KCTD16: variants seen among roughly 807,000 people sequenced by gnomAD.
The protein encoded by KCTD16 is potassium channel tetramerization domain containing 16.
A neutral mutation model predicts 33.2 loss-of-function variants in KCTD16; 13 were observed. That is an observed-to-expected ratio of 0.39 (90% CI 0.25 to 0.62). The LOEUF (loss-of-function observed/expected upper bound fraction) is 0.62, where lower values mean the gene tolerates loss of function less well. Among genes scored for constraint, KCTD16 ranks in the 20% least tolerant of loss-of-function variants. KCTD16 has a pLI of 0.50. For missense variants in KCTD16, 441 were observed against 525.1 expected, an observed-to-expected ratio of 0.84 and a Z score of 1.57; for synonymous variants, 197 against 195.3, an observed-to-expected ratio of 1.01 and a Z score of -0.07.
intron 3 of KCTD16, among the ~76,000 whole-genome samples, chr5:144,407,877 T>A (rs1339498290): frequency 2.6e-5 from 4 of 152,230 alleles, no homozygotes; most frequent in African/African-American, 9.6e-5. Flanking sequence ...CATGATCTCA[T>A]TCTTTTTTAT....
At chr5:144,329,470 G>A (rs1752296807) in intron 3 of KCTD16, among the ~76,000 whole-genome samples, 1 of 152,110 alleles carries the variant, frequency 6.6e-6, no homozygotes, top group African/African-American at 2.4e-5. Flanking sequence ...CCACAGCAGA[G>A]TGCTAAAAGA....
chr5:144,396,301 T>TCGACA (rs1752566786), intron 3 of KCTD16, among the ~76,000 whole-genome samples: 1 of 152,196 alleles, frequency 6.6e-6, no homozygotes, highest in Admixed American at 6.5e-5. Flanking sequence ...TTTCCAGCCC[T>TCGACA]TGACATCTTT....
intron 3 of KCTD16, among the ~76,000 whole-genome samples, chr5:144,376,794 A>T (rs549180371): frequency 6.6e-6 from 1 of 152,146 alleles, no homozygotes; most frequent in Non-Finnish European, 1.5e-5. Flanking sequence ...TGTTTTAAGG[A>T]TGGTAGGATA....
intron 3 of KCTD16, among the ~76,000 whole-genome samples, chr5:144,278,378 C>G (rs1341313245): frequency 6.6e-6 from 1 of 151,852 alleles, no homozygotes; most frequent in Admixed American, 6.6e-5. Context: ...TTTATCAATA[C>G]CACCTTGTCC....
At chr5:144,210,405 AAT>A (rs1753346527) in intron 3 of KCTD16, among the ~76,000 whole-genome samples, 1 of 152,194 alleles carries the variant, frequency 6.6e-6, no homozygotes, top group Non-Finnish European at 1.5e-5. Flanking sequence ...TAAAAGAGTT[AAT>A]ATGAGTGATA....
At chr5:144,219,687 A>C (rs1286672913) in intron 3 of KCTD16, among the ~76,000 whole-genome samples, 1 of 150,728 alleles carries the variant, frequency 6.6e-6, no homozygotes. Context: ...CGCCTGGCTA[A>C]TTTTGTATTT....
Position 144,473,898 on chromosome 5 carries a change from A to T in KCTD16, c.1071A>T (p.Ser357=). 1 of 1,614,112 alleles carries T rather than the reference A, an allele frequency of 6.2e-7. No homozygotes were observed. Among genetic ancestry groups the T allele is most frequent in the African/African-American group, 1.3e-5 (1 of 75,040 alleles). Residue 357 remains serine (S), a synonymous_variant, in exon 4 of 4, where the codon TCA becomes TCT. Transcript: ENST00000512467. ...KKGPVQLIQQ[S]EMRRKSDLLR... is the part of the protein sequence containing the mutation. ...GCCCTGTCCAGCTGATCCAACAGTC[A>T]GAGATGCGGCGGAAAAGCGACTTAC...
intron 3 of KCTD16, among the ~76,000 whole-genome samples, chr5:144,411,974 G>A (rs140272596): frequency 6.6e-6 from 1 of 152,094 alleles, no homozygotes; most frequent in Non-Finnish European, 1.5e-5. Flanking sequence ...ACTACAATGA[G>A]TATCATCTCA....
chr5:144,373,352 T>A (rs193205896), intron 3 of KCTD16, among the ~76,000 whole-genome samples: 4 of 152,308 alleles, frequency 2.6e-5, no homozygotes, highest in Admixed American at 2.0e-4. Flanking sequence ...AGTACAGTGA[T>A]CCTAAGTTAA....
chr5:144,413,687 C>T (rs1168650156), intron 3 of KCTD16, among the ~76,000 whole-genome samples: 1 of 152,134 alleles, frequency 6.6e-6, no homozygotes, highest in African/African-American at 2.4e-5. Flanking sequence ...ATTTATTATA[C>T]TAACACTAGT....
At chr5:144,363,367 T>C (rs1751760978) in intron 3 of KCTD16, among the ~76,000 whole-genome samples, 1 of 146,092 alleles carries the variant, frequency 6.8e-6, no homozygotes, top group African/African-American at 2.8e-5. Context: ...GTTTTTTGTA[T>C]GTGTGTGTGT....
intron 1 of KCTD16, among the ~76,000 whole-genome samples, chr5:144,172,926 TC>T (rs1191446367): frequency 6.6e-6 from 1 of 152,198 alleles, no homozygotes; most frequent in Non-Finnish European, 1.5e-5. Context: ...AAAAAGGATA[TC>T]CCTTTCAAAT....
At chr5:144,344,032 C>G (rs555299482) in intron 3 of KCTD16, among the ~76,000 whole-genome samples, 5 of 152,168 alleles carry the variant, frequency 3.3e-5, no homozygotes, top group East Asian at 1.9e-4. Flanking sequence ...TGGAACAGAA[C>G]AGAGCCCTCA....
intron 3 of KCTD16, among the ~76,000 whole-genome samples, chr5:144,315,120 C>T (rs552408431): frequency 5.9e-5 from 9 of 152,258 alleles, no homozygotes; most frequent in Admixed American, 5.2e-4. Context: ...ACAGCATATC[C>T]ACACTATGAG....
chr5:144,347,000 A>G (rs745808960), intron 3 of KCTD16, among the ~76,000 whole-genome samples: 16 of 151,992 alleles, frequency 1.1e-4, no homozygotes, highest in Admixed American at 2.6e-4. Flanking sequence ...TCTTATATTT[A>G]AGTCTTTAAT....
At chr5:144,461,953 A>G (rs542331896) in intron 3 of KCTD16, among the ~76,000 whole-genome samples, 10 of 152,260 alleles carry the variant, frequency 6.6e-5, no homozygotes, top group African/African-American at 2.4e-4. Flanking sequence ...CCGCTCTCCA[A>G]AGTCACACTG....
rs1752367513 is a variant in KCTD16, at chr5:144,170,947, A to G, written c.-555A>G. ...GAGTCCCCTCTCCTGTCCACAAACT[A>G]CAATGCCTACAATGCCTCGGTGTCA... On this transcript the variant is annotated 5_prime_UTR_variant, in exon 1 of 4. Coordinates refer to ENST00000512467, the MANE Select transcript of KCTD16 (RefSeq NM_020768.4). 6.6e-6 allele frequency: 1 copy of G among 152,218 alleles called. No individual in the cohort carries two copies. Among genetic ancestry groups the G allele is most frequent in the South Asian group, 2.1e-4 (1 of 4,834 alleles). 9.4% of individuals were successfully genotyped at this position (152,218 alleles called of 1,614,324 possible).
intron 2 of KCTD16, among the ~76,000 whole-genome samples, chr5:144,186,344 A>T (rs1433913768): frequency 3.9e-5 from 2 of 51,698 alleles, no homozygotes; most frequent in African/African-American, 1.9e-4. Flanking sequence ...GCTAGATCTC[A>T]TTTTTTTTAA....
chr5:144,384,107 GGA>G (rs1752273930), intron 3 of KCTD16: 1 of 152,094 alleles, frequency 6.6e-6, no homozygotes, highest in Non-Finnish European at 1.5e-5. Context: ...AAGATGAGTG[GGA>G]GTCATTGAAA....
Sources: gnomAD v4.1 joint callset for allele counts (sites outside exome capture counted in the v4.1 genomes callset) on GRCh38, gnomAD v4.1.1 for gene constraint, MANE v1.5 for transcripts, NCBI Gene and HGNC (gene_info 2026-07-23, HGNC 2026-07-21) for gene names.